PCNT: variants seen among roughly 807,000 people sequenced by gnomAD.
The protein encoded by PCNT is kendrin.
Under a neutral mutation model 380.4 loss-of-function variants are expected in PCNT, and 319 were observed. The observed-to-expected ratio is 0.84, with a 90% CI of 0.77 to 0.92. The LOEUF is 0.92. PCNT is among the 40% of genes least tolerant of loss of function. PCNT has a pLI of 0.00. For missense variants in PCNT, 4,400 were observed against 4,255.3 expected (o/e 1.03, Z -0.95); for synonymous variants, 1,845 against 1,735.2 (o/e 1.06, Z -1.57).
At chr21:46,440,780 T>C in intron 42 of PCNT, 75 bp from the exon 43 acceptor site, 1 of 883,558 alleles carries the variant, frequency 1.1e-6, no homozygotes, top group Non-Finnish European at 1.9e-6. Context: ...GAAAGAGCAA[T>C]GGTGTTAATG....
At chr21:46,389,007 G>T in intron 18 of PCNT, 123 bp downstream of exon 18, 1 of 1,431,520 alleles carries the variant, frequency 7.0e-7, no homozygotes, top group Admixed American at 2.0e-5. Flanking sequence ...CTGGTTTCCT[G>T]CTAGTTTCCG....
chr21:46,396,954 T>C (rs2086230539), intron 21 of PCNT, among the ~76,000 whole-genome samples: 1 of 152,132 alleles, frequency 6.6e-6, no homozygotes, highest in Non-Finnish European at 1.5e-5. Context: ...CCTAGACACG[T>C]CACAACCCCA....
chr21:46,366,477 C>G, intron 14 of PCNT, 107 bp from the exon 15 acceptor site: 1 of 911,750 alleles, frequency 1.1e-6, no homozygotes, highest in South Asian at 1.3e-5. Context: ...AAACGATGAC[C>G]TGAACAGTTG....
At chr21:46,418,419 C>T in intron 31 of PCNT, 113 bp downstream of exon 31, 1 of 735,932 alleles carries the variant, frequency 1.4e-6, no homozygotes, top group South Asian at 1.5e-5. Flanking sequence ...CCCCGCTGAC[C>T]TCCACCCCGG....
intron 43 of PCNT, 62 bp downstream of exon 43, chr21:46,441,146 T>C: frequency 9.7e-7 from 1 of 1,034,952 alleles, no homozygotes; most frequent in Middle Eastern, 2.0e-4. Context: ...GGCAGCACAC[T>C]GCATGGTTTT....
At position 46,430,405 on chromosome 21, in the gene PCNT, T is replaced by G. The variant is rs890470660; in HGVS notation, c.7914-102T>G. 4.8e-6 allele frequency: 7 copies of G among 1,470,900 alleles called. No individual in the cohort carries two copies. The African/African-American group carries it at 7.0e-5, about 15-fold the overall frequency. The allele number at this position is 1,470,900 out of a possible 1,614,324, so 91.1% of individuals were successfully genotyped here. ...CCTGTGGTGGGGGGTGAAGCACACG[T>G]GTGGGACCTGGCAGGGCTCTGCCTC... On this transcript the variant is annotated intron_variant, in intron 36 of 46. Transcript: ENST00000359568.
In PCNT at chr21:46,440,138, G is replaced by A. The variant is rs2053568035; in HGVS notation, c.9329G>A (p.Arg3110Lys). The A allele has an allele frequency of 1.2e-6, 2 of 1,614,042 alleles. No individual in the cohort carries two copies. Among genetic ancestry groups the A allele is most frequent in the African/African-American group, 1.3e-5 (1 of 74,934 alleles). ...GAAACGGCTCCACAGAGTTCCCTGA[G>A]GCGCCCAGACCCCGGCCGGCTTCCA... ...PDETAPQSSL[R>K]RPDPGRLPPA... The change falls in exon 42 of 47, where the codon AGG (arginine) becomes AAG (lysine). Residue 3110 changes from arginine to lysine, a missense_variant. Arg to Lys is a conservative substitution (Grantham distance 26). Transcript: ENST00000359568.
chr21:46,398,299 C>T (rs1163813672), intron 24 of PCNT, 44 bp downstream of exon 24: 2 of 1,573,412 alleles, frequency 1.3e-6, no homozygotes, highest in African/African-American at 1.3e-5. Flanking sequence ...CGCTGGCGCC[C>T]AGGCTCCCCT....
chr21:46,407,234 G>GT (rs1423406277), intron 27 of PCNT, among the ~76,000 whole-genome samples: 1 of 151,736 alleles, frequency 6.6e-6, no homozygotes, highest in Non-Finnish European at 1.5e-5. Flanking sequence ...ACAGACTGAG[G>GT]TATTTGGATT....
intron 33 of PCNT, among the ~76,000 whole-genome samples, chr21:46,426,325 C>T (rs551316432): frequency 6.6e-6 from 1 of 152,268 alleles, no homozygotes; most frequent in Admixed American, 6.5e-5. Flanking sequence ...AGCCACCGTG[C>T]CTGGCCTAGG....
At chr21:46,423,142 T>C (rs1360865366) in intron 32 of PCNT, among the ~76,000 whole-genome samples, 1 of 148,074 alleles carries the variant, frequency 6.8e-6, no homozygotes, top group East Asian at 2.0e-4. Flanking sequence ...TATTTTACTT[T>C]CTTAAACATG....
chr21:46,325,154 G>A (rs2083332647), intron 1 of PCNT: 10 of 985,620 alleles, frequency 1.0e-5, no homozygotes, highest in African/African-American at 3.5e-5. Flanking sequence ...GGGGGCAGGA[G>A]AAAGGGAGTC....
chr21:46,435,749 G>A (rs1197776554), intron 38 of PCNT, among the ~76,000 whole-genome samples, 155 bp from the exon 39 acceptor site: 2 of 151,784 alleles, frequency 1.3e-5, no homozygotes, highest in African/African-American at 4.8e-5. Context: ...TCACTGTGTT[G>A]GCCAGCATGG....
At chr21:46,344,566 G>A (rs1202996322) in intron 3 of PCNT, among the ~76,000 whole-genome samples, 1 of 152,180 alleles carries the variant, frequency 6.6e-6, no homozygotes, top group Non-Finnish European at 1.5e-5. Context: ...TCCCCAGTTG[G>A]GGCAGAAAAA....
chr21:46,416,914 T>C, intron 30 of PCNT, 75 bp downstream of exon 30: 1 of 1,480,764 alleles, frequency 6.8e-7, no homozygotes. Flanking sequence ...GCAGCTGCCA[T>C]TGTTTGTTCA....
At position 46,431,695 on chromosome 21, in the gene PCNT, A is replaced by T. The variant is rs142543426; in HGVS notation, c.8231A>T (p.Gln2744Leu). The change falls in exon 38 of 47, where the codon CAG becomes CTG. Residue 2744 changes from glutamine to leucine, a missense_variant. Coordinates refer to ENST00000359568, the MANE Select transcript of PCNT (RefSeq NM_006031.6). ...GAGCGGAGCCAGCTCTCTGAGCTCC[A>T]GAAGGACCTTGCGGCTGAGAAGAGC... ...AQERSQLSEL[Q>L]KDLAAEKSRT... The T allele has an allele frequency of 3.7e-5, 59 of 1,612,730 alleles. 1 individual carries two copies. The Middle Eastern group carries it at 1.2e-3, about 32-fold the overall frequency.
chr21:46,331,718 G>A (rs374578659), intron 2 of PCNT, among the ~76,000 whole-genome samples: 2 of 152,040 alleles, frequency 1.3e-5, no homozygotes, highest in Non-Finnish European at 2.9e-5. Flanking sequence ...GTGAGCTATG[G>A]TGGCACCACT....
In PCNT at chr21:46,402,509, G is replaced by A. The variant is rs185788561; in HGVS notation, c.5115+26G>A. On this transcript the variant is annotated intron_variant, in intron 27 of 46. Transcript: ENST00000359568. The stretch of plus-strand genomic sequence containing the variant: ...GTAAGCTACCAAAGGTCCACGTGAC[G>A]CCCGAGTTCATGTTGCTTATGCCGG... 5.4e-5 allele frequency: 87 copies of A among 1,612,998 alleles called. No individual in the cohort carries two copies. The Admixed American group carries it at 9.2e-4, about 17-fold the overall frequency.
Position 46,430,532 on chromosome 21 carries a change from G to A in PCNT, c.7939G>A (p.Glu2647Lys), listed in dbSNP as rs886267351. 1.3e-5 allele frequency: 20 copies of A among 1,553,348 alleles called. No individual in the cohort carries two copies. The highest frequency in any genetic ancestry group is 1.1e-4 in the African/African-American group (8 of 73,200). Residue 2647 changes from glutamate (E) to lysine (K), a missense_variant, in exon 37 of 47, where the codon GAG becomes AAG. Glu to Lys is a moderately conservative substitution (Grantham distance 56). Transcript: ENST00000359568. ...LRSMLSSKEN[E>K]LKAALQELES... is the part of the protein sequence containing the mutation. ...ATCCATGCTGAGCAGTAAGGAGAAC[G>A]AGCTGAAGGCCGCGCTTCAGGAGCT...
Sources: allele counts gnomAD v4.1 joint callset (sites outside exome capture counted in the v4.1 genomes callset), GRCh38; gene constraint gnomAD v4.1.1; transcripts MANE v1.5; gene names NCBI Gene and HGNC (gene_info 2026-07-23, HGNC 2026-07-21).